The following PCDHGA1 variants were observed in gnomAD, a reference collection of about 807,000 sequenced individuals.
The protein encoded by PCDHGA1 is protocadherin gamma subfamily A, 1, also known as protocadherin gamma-A1.
Under a neutral mutation model 58.0 loss-of-function variants are expected in PCDHGA1, and 32 were observed. The ratio of observed to expected loss-of-function variants is 0.55; its 90% CI spans 0.42 to 0.74. The LOEUF (loss-of-function observed/expected upper bound fraction) is 0.74. Ranked by LOEUF, PCDHGA1 falls within the 30% of genes least tolerant of loss-of-function variation. PCDHGA1 has a pLI of 0.00. For synonymous variants in PCDHGA1, 498 were observed against 501.1 expected, an observed-to-expected ratio of 0.99 and a Z score of 0.08; for missense variants, 1,205 against 1,182.3, an observed-to-expected ratio of 1.02 and a Z score of -0.28.
rs771356119 is a variant in PCDHGA1 at position 141,385,251 on chromosome 5, C to G, written c.2421+52146C>G. Reference sequence around the variant, plus strand: ...TAGACATGCTCATCAGCCAGGAGAGCTGTGAGAAAAATGATTCTTTGCTAA... The same window carrying G: ...TAGACATGCTCATCAGCCAGGAGAGGTGTGAGAAAAATGATTCTTTGCTAA... On this transcript the variant is annotated intron_variant, in intron 1 of 3. Coordinates refer to ENST00000517417, the MANE Select transcript of PCDHGA1 (RefSeq NM_018912.3). The G allele has an allele frequency of 1.2e-5, 19 of 1,613,660 alleles. No individual in the cohort carries two copies. The Admixed American group carries it at 1.8e-4, about 16-fold the overall frequency.
chr5:141,438,337 T>C (rs935624931), intron 1 of PCDHGA1, among the ~76,000 whole-genome samples: 25 of 151,926 alleles, frequency 1.6e-4, no homozygotes, highest in Non-Finnish European at 1.9e-4. Context: ...ACATGTCATA[T>C]AAGGATCTAC....
At chr5:141,500,188 ATT>A (rs2099797463) in intron 2 of PCDHGA1, among the ~76,000 whole-genome samples, 1 of 98,146 alleles carries the variant, frequency 1.0e-5, no homozygotes, top group African/African-American at 5.1e-5. Flanking sequence ...TTTTATTTTT[ATT>A]TATTTATTTA....
chr5:141,372,289 T>C (rs1170089924), intron 1 of PCDHGA1: 1 of 1,613,228 alleles, frequency 6.2e-7, no homozygotes, highest in African/African-American at 1.3e-5. Flanking sequence ...GCGCGTACCT[T>C]GGGCGACAGG....
rs765756193 is a variant in PCDHGA1, at chr5:141,511,105, C to T, written c.2728C>T (p.Arg910Trp). The T allele has an allele frequency of 2.8e-5, 46 of 1,614,196 alleles. No individual in the cohort carries two copies. In the East Asian group the frequency reaches 3.1e-4, roughly 11 times the overall value. Residue 910 changes from arginine to tryptophan, a missense_variant, in exon 4 of 4, where the codon CGG becomes TGG. Transcript: ENST00000517417. ...CACACTGACCAACGCAGCTGGCAAG[C>T]GGGATGGCAAGGCCCCAGCAGGTGG... ...NATLTNAAGK[R>W]DGKAPAGGNG...
rs530404769 is a variant in PCDHGA1, at chr5:141,423,267, G to C, written c.2422-71540G>C. On this transcript the variant is annotated intron_variant, in intron 1 of 3. Coordinates refer to ENST00000517417, the MANE Select transcript of PCDHGA1 (RefSeq NM_018912.3). ...TCCTGGCGGACCTCGGCAGCCTCGA[G>C]TCTCTGGCTAACTCTGAAACCTCAG... The C allele has an allele frequency of 2.5e-6, 4 of 1,613,710 alleles. No individual in the cohort carries two copies. In the South Asian group the frequency reaches 4.4e-5, roughly 18 times the overall value.
intron 1 of PCDHGA1, among the ~76,000 whole-genome samples, chr5:141,484,045 G>A (rs934525987): frequency 7.9e-5 from 12 of 152,026 alleles, no homozygotes; most frequent in African/African-American, 2.9e-4. Context: ...AGCTCCAAGA[G>A]GTCCCCTGGG....
At position 141,422,119 on chromosome 5, in the gene PCDHGA1, C is replaced by T. The variant is rs778866054; in HGVS notation, c.2422-72688C>T. 26 of 1,603,658 alleles carry T rather than the reference C, an allele frequency of 1.6e-5. No homozygotes were observed. In the Admixed American group the frequency reaches 4.2e-4, roughly 26 times the overall value. ...TTCTGAAATATTCCAATTGGATTCA[C>T]AAACTGGAGAAGTTCAAGTACGGGG... On this transcript the variant is annotated intron_variant, in intron 1 of 3. Transcript: ENST00000517417.
At chr5:141,399,916 A>G in intron 1 of PCDHGA1, 3 of 1,612,378 alleles carry the variant, frequency 1.9e-6, no homozygotes, top group Non-Finnish European at 1.7e-6. Context: ...CTCAGGACAC[A>G]ACGCCTGGCT....
At position 141,331,563 on chromosome 5, in the gene PCDHGA1, T is replaced by C; in HGVS notation, c.879T>C (p.Arg293=). Reference sequence around the variant, plus strand: ...ACCACAGAGTGGCCCAAATATTTCGTTTAGATTCTTACACAGGAGAAATAT... The same window carrying C: ...ACCACAGAGTGGCCCAAATATTTCGCTTAGATTCTTACACAGGAGAAATAT... ...NVDHRVAQIF[R]LDSYTGEISN... The change falls in exon 1 of 4, where the codon CGT becomes CGC. Residue 293 remains arginine, a synonymous_variant. Coordinates refer to ENST00000517417, the MANE Select transcript of PCDHGA1 (RefSeq NM_018912.3). 6.2e-7 allele frequency: 1 copy of C among 1,614,140 alleles called. No individual in the cohort carries two copies. The highest frequency in any genetic ancestry group is 8.5e-7 in the Non-Finnish European group (1 of 1,180,042).
intron 1 of PCDHGA1, among the ~76,000 whole-genome samples, chr5:141,349,200 G>A (rs977753760): frequency 6.6e-6 from 1 of 151,708 alleles, no homozygotes; most frequent in Admixed American, 6.6e-5. Context: ...CTCCCGAGTA[G>A]CTGGCGTTAC....
intron 1 of PCDHGA1, chr5:141,351,227 C>A: frequency 6.2e-7 from 1 of 1,613,986 alleles, no homozygotes; most frequent in Middle Eastern, 1.6e-4. Context: ...TGGAGGAGTA[C>A]ACACAGCTCA....
rs1374646530 is a variant in PCDHGA1, at chr5:141,431,339, T to C, written c.2422-63468T>C. ...AGCCGACGGTAGTAAGTACCCCGAA[T>C]TGGTGCTGAAACGCGCCCTGGACCG... On this transcript the variant is annotated intron_variant, in intron 1 of 3. Coordinates refer to ENST00000517417, the MANE Select transcript of PCDHGA1 (RefSeq NM_018912.3). This position sits in a 1 kb window ranked among gnomAD's most constrained non-coding sequence, Gnocchi z 4.8. 1 of 1,614,060 alleles carries C rather than the reference T, an allele frequency of 6.2e-7. No individual in the cohort carries two copies. The highest frequency in any genetic ancestry group is 8.5e-7 in the Non-Finnish European group (1 of 1,180,024).
intron 1 of PCDHGA1, among the ~76,000 whole-genome samples, chr5:141,483,014 G>A (rs1401419953): frequency 1.3e-5 from 2 of 152,184 alleles, no homozygotes; most frequent in Non-Finnish European, 2.9e-5. Context: ...GAACCCGGGA[G>A]GCAGAGGTTG....
chr5:141,447,851 C>T (rs961725006), intron 1 of PCDHGA1, among the ~76,000 whole-genome samples: 1 of 151,980 alleles, frequency 6.6e-6, no homozygotes, highest in East Asian at 1.9e-4. Flanking sequence ...TTTGGGAGGC[C>T]GAGGTGGGTG....
intron 1 of PCDHGA1, chr5:141,339,891 T>C (rs1213340507): frequency 6.2e-7 from 1 of 1,614,132 alleles, no homozygotes; most frequent in South Asian, 1.1e-5. Context: ...ATAAAAGATC[T>C]AGATTATGAG....
chr5:141,400,267 T>C (rs749494967), intron 1 of PCDHGA1: 4 of 1,614,030 alleles, frequency 2.5e-6, no homozygotes, highest in Middle Eastern at 1.6e-4. Context: ...CCTGCGACGC[T>C]CCTCCAGCCC....
intron 1 of PCDHGA1, among the ~76,000 whole-genome samples, chr5:141,453,076 G>A (rs2098755408): frequency 1.3e-5 from 2 of 151,984 alleles, no homozygotes; most frequent in Admixed American, 6.6e-5. Flanking sequence ...CCACACTCTG[G>A]TTGATTAGTA....
rs2099610288 is a variant in PCDHGA1, at chr5:141,485,252, G to A, written c.2422-9555G>A. ...GTTCCTCTTTTACCACCTGGGTTAC[G>A]TTTGTGGGCAGATCCGCTACCCGGT... On this transcript the variant is annotated intron_variant, in intron 1 of 3. Coordinates refer to ENST00000517417, the MANE Select transcript of PCDHGA1 (RefSeq NM_018912.3). This position sits in a 1 kb window ranked among gnomAD's most constrained non-coding sequence, Gnocchi z 5.7. 6.2e-7 allele frequency: 1 copy of A among 1,614,042 alleles called. No individual in the cohort carries two copies. The highest frequency in any genetic ancestry group is 1.7e-5 in the Admixed American group (1 of 60,008).
chr5:141,403,052 T>G (rs1336291522), intron 1 of PCDHGA1: 4 of 1,614,066 alleles, frequency 2.5e-6, no homozygotes, highest in Admixed American at 1.7e-5. Context: ...GATTCGCTAC[T>G]CAGTGCCTGA....
Sources: allele counts gnomAD v4.1 joint callset (sites outside exome capture counted in the v4.1 genomes callset), GRCh38; gene constraint gnomAD v4.1.1; non-coding constraint Gnocchi (gnomAD v3.1); transcripts MANE v1.5; gene names NCBI Gene and HGNC (gene_info 2026-07-23, HGNC 2026-07-21).